The following SPAG9 variants were observed in gnomAD, a reference collection of about 807,000 sequenced individuals.
SPAG9 encodes sperm associated antigen 9, also known as C-Jun-amino-terminal kinase-interacting protein 4.
A neutral mutation model predicts 166.5 loss-of-function variants in SPAG9; 35 were observed. The observed-to-expected ratio is 0.21, with a 90% CI of 0.16 to 0.28. The LOEUF (loss-of-function observed/expected upper bound fraction) is 0.28. Ranked by LOEUF, SPAG9 falls within the 10% of genes least tolerant of loss-of-function variation. The pLI, the probability that SPAG9 is intolerant of heterozygous loss-of-function variation, is 1.00. For missense variants in SPAG9, 1,235 were observed against 1,603.3 expected (o/e 0.77, Z 3.92); for synonymous variants, 534 against 565.5 (o/e 0.94, Z 0.79).
rs772989035 is a variant in SPAG9 at position 51,001,768 on chromosome 17, A to G, written c.1554T>C (p.Tyr518=). The change falls in exon 13 of 30, where the codon TAT becomes TAC. Residue 518 remains tyrosine, a synonymous_variant. Transcript: ENST00000262013. ...MARVLMERNQ[Y]KERLMELQEA... is the part of the protein sequence containing the mutation. Reference sequence around the variant, plus strand: ...CCTGAAGCTCCATCAATCTCTCTTTATACTGGTTTCGCTCCATGAGAACAC... The same window carrying G: ...CCTGAAGCTCCATCAATCTCTCTTTGTACTGGTTTCGCTCCATGAGAACAC... The G allele has an allele frequency of 1.2e-5, 19 of 1,613,784 alleles. No individual in the cohort carries two copies. Among genetic ancestry groups the G allele is most frequent in the Non-Finnish European group, 1.6e-5 (19 of 1,179,830 alleles).
chr17:51,069,685 G>GTGCT (rs1182321106), intron 2 of SPAG9, among the ~76,000 whole-genome samples: 1 of 152,018 alleles, frequency 6.6e-6, no homozygotes, highest in Admixed American at 6.5e-5. Context: ...ATCTAGTGGA[G>GTGCT]TGCTTATTCT....
chr17:51,028,433 A>T (rs1361931571), intron 6 of SPAG9, among the ~76,000 whole-genome samples: 2 of 152,192 alleles, frequency 1.3e-5, no homozygotes, highest in Non-Finnish European at 2.9e-5. Context: ...ATAGAGGTAT[A>T]CCATTTTAAA....
At chr17:51,004,466 G>A (rs185734871) in intron 12 of SPAG9, among the ~76,000 whole-genome samples, 8 of 152,224 alleles carry the variant, frequency 5.3e-5, no homozygotes, top group Admixed American at 1.3e-4. Flanking sequence ...GGCTGGGCTG[G>A]GTGGCTCACA....
chr17:51,077,045 G>T (rs867772403), intron 2 of SPAG9, among the ~76,000 whole-genome samples: 15 of 99,092 alleles, frequency 1.5e-4, no homozygotes, highest in Non-Finnish European at 2.7e-4. Context: ...TAGCTATCTA[G>T]CTATCTAGCT....
At chr17:51,107,662 G>A (rs947771940) in intron 1 of SPAG9, among the ~76,000 whole-genome samples, 6 of 151,586 alleles carry the variant, frequency 4.0e-5, no homozygotes, top group South Asian at 2.1e-4. Context: ...GCTTGAACCC[G>A]GGAGGTGGAG....
intron 4 of SPAG9, 83 bp from the exon 5 acceptor site, chr17:51,041,734 T>C: frequency 1.6e-6 from 2 of 1,287,460 alleles, no homozygotes; most frequent in Non-Finnish European, 1.1e-6. Flanking sequence ...AAGCCTGGAC[T>C]GCCACTGTTT....
At chr17:51,060,568 A>G (rs1446432488) in intron 2 of SPAG9, among the ~76,000 whole-genome samples, 1 of 151,602 alleles carries the variant, frequency 6.6e-6, no homozygotes, top group Non-Finnish European at 1.5e-5. Flanking sequence ...TGAGGTCATT[A>G]AGGTGGGGCC....
intron 27 of SPAG9, 132 bp downstream of exon 27, chr17:50,976,976 T>C (rs1289338556): frequency 5.0e-6 from 3 of 605,606 alleles, no homozygotes; most frequent in Non-Finnish European, 8.7e-6. Context: ...TAAGTTTCAT[T>C]GAGTGAAGTA....
chr17:51,021,039 T>C (rs1464892347), intron 7 of SPAG9, 119 bp downstream of exon 7: 2 of 824,348 alleles, frequency 2.4e-6, no homozygotes, highest in Non-Finnish European at 4.0e-6. Flanking sequence ...GGGCCAACTA[T>C]ATCTGCCTAT....
chr17:51,005,393 C>T (rs939411085), intron 11 of SPAG9, 130 bp from the exon 12 acceptor site: 4 of 772,942 alleles, frequency 5.2e-6, no homozygotes, highest in South Asian at 3.3e-5. Context: ...GGGTATTTAG[C>T]CACCCTCATT....
intron 1 of SPAG9, among the ~76,000 whole-genome samples, chr17:51,113,356 A>C (rs1283882536): frequency 7.5e-6 from 1 of 134,112 alleles, no homozygotes; most frequent in Non-Finnish European, 1.5e-5. Flanking sequence ...GCCATATCAA[A>C]AAAAAAAAAA....
chr17:50,982,640 A>T lies in SPAG9; in HGVS notation c.3121T>A (p.Leu1041Ile), dbSNP rs1168492883. 1 of 1,612,576 alleles carries T rather than the reference A, an allele frequency of 6.2e-7. No individual in the cohort carries two copies. The highest frequency in any genetic ancestry group is 1.1e-5 in the South Asian group (1 of 90,578). Residue 1041 changes from leucine (L) to isoleucine (I), a missense_variant, in exon 25 of 30, where the codon TTA (leucine) becomes ATA (isoleucine). Transcript: ENST00000262013. ...GQWDLSNYHLLDLGRPHHSIR... is the reference protein window; with the variant it reads ...GQWDLSNYHLIDLGRPHHSIR... ...GAATGATGAGGCCGTCCAAGGTCTA[A>T]GAGGTGATAGTTTGACAAATCCCAC...
chr17:50,976,906 A>C, intron 27 of SPAG9: 1 of 434,884 alleles, frequency 2.3e-6, no homozygotes, highest in Non-Finnish European at 4.1e-6. Context: ...TTTGACAACG[A>C]AAAACTTTTA....
intron 1 of SPAG9, among the ~76,000 whole-genome samples, chr17:51,116,577 GGCAAC>G (rs2049294088): frequency 1.3e-5 from 2 of 152,000 alleles, no homozygotes; most frequent in Admixed American, 1.3e-4. Flanking sequence ...GACCAGACTG[GGCAAC>G]ACAGTGAGAC....
At chr17:51,080,319 C>G (rs559077414) in intron 1 of SPAG9, among the ~76,000 whole-genome samples, 2 of 147,642 alleles carry the variant, frequency 1.4e-5, no homozygotes, top group Non-Finnish European at 3.0e-5. Context: ...TTTAATTTGG[C>G]TACCAGGATG....
intron 6 of SPAG9, among the ~76,000 whole-genome samples, chr17:51,022,214 C>T (rs2045967143): frequency 6.6e-6 from 1 of 151,282 alleles, no homozygotes; most frequent in African/African-American, 2.4e-5. Flanking sequence ...ATCCCTTGAG[C>T]CCAACAAGAC....
At chr17:51,080,349 T>G (rs1376419363) in intron 1 of SPAG9, among the ~76,000 whole-genome samples, 1 of 152,048 alleles carries the variant, frequency 6.6e-6, no homozygotes, top group Non-Finnish European at 1.5e-5. Flanking sequence ...TTGCTGCTCG[T>G]TCTTGGTCTT....
intron 1 of SPAG9, among the ~76,000 whole-genome samples, chr17:51,109,341 A>T (rs1226283040): frequency 1.3e-5 from 2 of 151,728 alleles, no homozygotes; most frequent in Non-Finnish European, 2.9e-5. Context: ...GGTTCAAGTG[A>T]TTCTCTTGCT....
chr17:51,118,645 C>G (rs1770697837), intron 1 of SPAG9, among the ~76,000 whole-genome samples: 1 of 152,224 alleles, frequency 6.6e-6, no homozygotes. Context: ...CACTTGACCT[C>G]TGTTCTATAA....
Sources: gnomAD v4.1 joint callset for allele counts (sites outside exome capture counted in the v4.1 genomes callset) on GRCh38, gnomAD v4.1.1 for gene constraint, MANE v1.5 for transcripts, NCBI Gene and HGNC (gene_info 2026-07-23, HGNC 2026-07-21) for gene names.